The following PPP2R2B variants were observed in gnomAD, a reference collection of about 807,000 sequenced individuals.
PPP2R2B encodes the protein protein phosphatase 2 regulatory subunit Bbeta.
A neutral mutation model predicts 46.0 loss-of-function variants in PPP2R2B; 5 were observed. That is an observed-to-expected ratio of 0.11 (90% CI 0.06 to 0.23). The LOEUF (loss-of-function observed/expected upper bound fraction) is 0.23, where lower values mean the gene tolerates loss of function less well. Ranked by LOEUF, PPP2R2B falls within the 10% of genes least tolerant of loss-of-function variation. The probability of loss-of-function intolerance (pLI) is 1.00; values close to 1 mark genes in which losing one functional copy is unlikely to be tolerated. For missense variants in PPP2R2B, 367 were observed against 575.0 expected (o/e 0.64, Z 3.70); for synonymous variants, 215 against 206.7 (o/e 1.04, Z -0.34).
At chr5:146,938,505 A>G (rs1338455960) in intron 1 of PPP2R2B, among the ~76,000 whole-genome samples, 1 of 152,188 alleles carries the variant, frequency 6.6e-6, no homozygotes, top group Non-Finnish European at 1.5e-5. Context: ...AAAAATAATT[A>G]AAGTTAAAGA....
intron 2 of PPP2R2B, among the ~76,000 whole-genome samples, chr5:146,832,379 CTTTTTTTTTTTT>C (rs34269274): frequency 2.1e-4 from 15 of 70,196 alleles, no homozygotes; most frequent in East Asian, 9.3e-4. Context: ...CATTTTTAAT[CTTTTTTTTTTTT>C]TTTTTTTTTT....
rs1770416742 is a variant in PPP2R2B, at chr5:146,589,801, A to ATGT, written c.*143_*145dup. 1 of 861,066 alleles carries ATGT rather than the reference A, an allele frequency of 1.2e-6. No individual in the cohort carries two copies. The highest frequency in any genetic ancestry group is 1.7e-5 in the South Asian group (1 of 57,334). 53.3% of individuals were successfully genotyped at this position (861,066 alleles called of 1,614,324 possible). ...GTTTCTTAGAACTGGGGAGCTGGGA[A>ATGT]TGTTGGACTCCTTTTAATTCTATTC... On this transcript the variant is annotated 3_prime_UTR_variant, in exon 10 of 10. Coordinates refer to ENST00000394411, the MANE Select transcript of PPP2R2B (RefSeq NM_181675.4).
chr5:146,796,244 C>T (rs1756528729), intron 2 of PPP2R2B, among the ~76,000 whole-genome samples: 1 of 152,092 alleles, frequency 6.6e-6, no homozygotes, highest in South Asian at 2.1e-4. Flanking sequence ...ATGATAGGTC[C>T]ACGTATGCTC....
intron 1 of PPP2R2B, among the ~76,000 whole-genome samples, chr5:147,024,153 C>CTCTATCTATCTA (rs57080635): frequency 0.023 from 3,318 of 145,610 alleles, 47 homozygotes; most frequent in East Asian, 0.034. Context: ...AAATCCCCTC[C>CTCTATCTATCTA]TCTATCTATC....
chr5:146,787,583 C>G (rs1755922293), intron 2 of PPP2R2B, among the ~76,000 whole-genome samples: 1 of 151,762 alleles, frequency 6.6e-6, no homozygotes, highest in Non-Finnish European at 1.5e-5. Flanking sequence ...TCTCTTTCTT[C>G]TTGAGATGGA....
At chr5:146,760,854 G>A (rs1754119905) in intron 2 of PPP2R2B, among the ~76,000 whole-genome samples, 1 of 152,104 alleles carries the variant, frequency 6.6e-6, no homozygotes, top group East Asian at 1.9e-4. Flanking sequence ...AGTGGGCAAA[G>A]GATATGAACA....
intron 6 of PPP2R2B, among the ~76,000 whole-genome samples, chr5:146,644,849 T>C (rs1323760829): frequency 1.3e-5 from 2 of 152,226 alleles, no homozygotes. Context: ...TCTCCAAGGA[T>C]AGGGTTTATA....
chr5:147,064,417 T>C (rs967651847), intron 2 of PPP2R2B, among the ~76,000 whole-genome samples: 1 of 152,184 alleles, frequency 6.6e-6, no homozygotes, highest in Non-Finnish European at 1.5e-5. Context: ...CAATCCAAAA[T>C]GTTTTCTGAC....
chr5:146,788,378 G>T (rs940380950), intron 2 of PPP2R2B, among the ~76,000 whole-genome samples: 10 of 151,816 alleles, frequency 6.6e-5, no homozygotes, highest in African/African-American at 2.4e-4. Flanking sequence ...AAAGTAGGGA[G>T]GTTTAGGTTG....
chr5:146,648,154 A>G (rs1055236065), intron 6 of PPP2R2B, among the ~76,000 whole-genome samples: 1 of 152,148 alleles, frequency 6.6e-6, no homozygotes, highest in African/African-American at 2.4e-5. Flanking sequence ...ATTCTAGCCA[A>G]TGGAATGCAT....
rs148741400 is a variant in PPP2R2B at position 146,732,450 on chromosome 5, T to G, written c.71-31308A>C. ...GATGGACAAAAATAGAAAGGAGGCATGATTTGGAATTTCCACAGTGACTAT... is the reference window on the plus strand; with the variant it reads ...GATGGACAAAAATAGAAAGGAGGCAGGATTTGGAATTTCCACAGTGACTAT... On this transcript the variant is annotated intron_variant, in intron 2 of 9. Coordinates refer to ENST00000394411, the MANE Select transcript of PPP2R2B (RefSeq NM_181675.4). Among the ~76,000 whole-genome samples the G allele has an allele frequency of 2.4e-3, 361 of 152,260 alleles. 2 individuals carry two copies. The highest frequency in any genetic ancestry group is 8.3e-3 in the African/African-American group (343 of 41,560).
chr5:146,859,132 A>C (rs547587986), intron 2 of PPP2R2B, among the ~76,000 whole-genome samples: 1 of 152,322 alleles, frequency 6.6e-6, no homozygotes, highest in South Asian at 2.1e-4. Context: ...TCTTTTCTCC[A>C]CCATAAACTA....
chr5:146,687,458 G>A (rs887655246), intron 5 of PPP2R2B, among the ~76,000 whole-genome samples: 7 of 152,206 alleles, frequency 4.6e-5, no homozygotes, highest in African/African-American at 9.6e-5. Context: ...AGAGTGCAGC[G>A]TGGTGCATGG....
At chr5:146,960,842 G>A (rs1043696689) in intron 1 of PPP2R2B, among the ~76,000 whole-genome samples, 3 of 151,984 alleles carry the variant, frequency 2.0e-5, no homozygotes, top group Non-Finnish European at 4.4e-5. Flanking sequence ...GCCCTTTTTC[G>A]TTGTGGAAGG....
At chr5:147,047,070 A>G (rs1414918059) in intron 1 of PPP2R2B, among the ~76,000 whole-genome samples, 1 of 152,078 alleles carries the variant, frequency 6.6e-6, no homozygotes, top group Non-Finnish European at 1.5e-5. Flanking sequence ...AAGGGACATC[A>G]CATGTGAAGA....
At chr5:146,981,453 C>T (rs1011541942) in intron 1 of PPP2R2B, among the ~76,000 whole-genome samples, 7 of 151,768 alleles carry the variant, frequency 4.6e-5, no homozygotes, top group African/African-American at 1.2e-4. Flanking sequence ...TTCGAGAATT[C>T]GGTTGTGAGT....
chr5:146,873,667 G>A (rs538957504), intron 2 of PPP2R2B, among the ~76,000 whole-genome samples: 145 of 152,174 alleles, frequency 9.5e-4, no homozygotes, highest in African/African-American at 3.2e-3. Flanking sequence ...ACTGGAGTGC[G>A]GTGTCGCGAC....
At chr5:147,076,311 TA>T (rs551596034) in intron 2 of PPP2R2B, among the ~76,000 whole-genome samples, 43 of 149,996 alleles carry the variant, frequency 2.9e-4, no homozygotes, top group East Asian at 2.1e-3. Flanking sequence ...TCCATTTTGG[TA>T]AAAAAAAAAT....
chr5:146,672,181 G>A (rs1229400235), intron 5 of PPP2R2B, among the ~76,000 whole-genome samples: 2 of 152,154 alleles, frequency 1.3e-5, no homozygotes, highest in Non-Finnish European at 2.9e-5. Context: ...CATCCAAGGA[G>A]GCAAGAGGAG....
Sources: allele counts gnomAD v4.1 joint callset (sites outside exome capture counted in the v4.1 genomes callset), GRCh38; gene constraint gnomAD v4.1.1; transcripts MANE v1.5; gene names NCBI Gene and HGNC (gene_info 2026-07-23, HGNC 2026-07-21).